The following RB1 variants were observed in gnomAD, a reference collection of about 807,000 sequenced individuals.
The protein encoded by RB1 is retinoblastoma-associated protein.
In RB1, 18 loss-of-function variants were observed where a neutral mutation model predicts 135.4. The observed-to-expected ratio is 0.13, with a 90% CI of 0.09 to 0.20. The LOEUF is 0.20. RB1 is among the 10% of genes least tolerant of loss of function. RB1 has a pLI of 1.00. For synonymous variants in RB1, 365 were observed against 373.2 expected (o/e 0.98, Z 0.25); for missense variants, 868 against 1,110.0 (o/e 0.78, Z 3.10).
chr13:48,381,484 A>G (rs1593457221), intron 17 of RB1, 41 bp downstream of exon 17: 1 of 1,579,346 alleles, frequency 6.3e-7, no homozygotes, highest in Non-Finnish European at 8.7e-7. Context: ...TCATGTGCAT[A>G]TGGCTAACAA....
At chr13:48,306,685 C>T (rs1455563587) in intron 1 of RB1, among the ~76,000 whole-genome samples, 2 of 152,162 alleles carry the variant, frequency 1.3e-5, no homozygotes, top group African/African-American at 4.8e-5. Context: ...ATAGTAAATA[C>T]TCAAAAATTA....
Position 48,347,811 on chromosome 13 carries a change from G to A in RB1, c.501-14G>A. 6.4e-7 allele frequency: 1 copy of A among 1,565,950 alleles called. No homozygotes were observed. The highest frequency in any genetic ancestry group is 1.1e-5 in the South Asian group (1 of 88,890). On this transcript the variant is annotated splice_polypyrimidine_tract_variant and intron_variant, in intron 4 of 26. Transcript: ENST00000267163. ...CGAAAAAATGTTAAAAAGTCATAAT[G>A]TTTTTCTTTTCAGGACATGTGAACT...
At chr13:48,365,846 T>C (rs1267503673) in intron 9 of RB1, among the ~76,000 whole-genome samples, 1 of 152,128 alleles carries the variant, frequency 6.6e-6, no homozygotes, top group African/African-American at 2.4e-5. Flanking sequence ...GACAAAGAAA[T>C]AGAGCATTAC....
chr13:48,448,884 G>A (rs771804031), intron 17 of RB1, among the ~76,000 whole-genome samples: 5 of 152,144 alleles, frequency 3.3e-5, no homozygotes, highest in South Asian at 2.1e-4. Context: ...AGAGCAAAAC[G>A]TTTCATTGCT....
intron 17 of RB1, among the ~76,000 whole-genome samples, chr13:48,443,762 C>T (rs1416693217): frequency 1.3e-5 from 2 of 152,086 alleles, no homozygotes; most frequent in African/African-American, 4.8e-5. Context: ...TCTTAGGCAC[C>T]TCCGTTGCTT....
At chr13:48,378,395 C>T (rs753147146) in intron 13 of RB1, among the ~76,000 whole-genome samples, 3 of 151,898 alleles carry the variant, frequency 2.0e-5, no homozygotes, top group African/African-American at 4.8e-5. Context: ...AAAACAAAGG[C>T]AAACACACAC....
chr13:48,383,135 A>T (rs1294646764), intron 17 of RB1, among the ~76,000 whole-genome samples: 1 of 152,140 alleles, frequency 6.6e-6, no homozygotes, highest in Non-Finnish European at 1.5e-5. Flanking sequence ...AAATTGTGAG[A>T]TTATGCTATT....
intron 17 of RB1, among the ~76,000 whole-genome samples, chr13:48,398,552 T>G (rs1163792642): frequency 1.3e-5 from 2 of 152,024 alleles, no homozygotes; most frequent in Non-Finnish European, 2.9e-5. Context: ...TTTATTATAT[T>G]ATTATTTTAA....
At chr13:48,477,515 A>G in intron 26 of RB1, 111 bp downstream of exon 26, 1 of 848,336 alleles carries the variant, frequency 1.2e-6, no homozygotes, top group East Asian at 2.7e-5. Flanking sequence ...AGGTTTGTTT[A>G]TGCATTTAAA....
Position 48,367,473 on chromosome 13 carries a change from C to A in RB1, c.940-21C>A, listed in dbSNP as rs559042622. ...GTAATGACATGTAAAGGATAATTGT[C>A]AGTGACTTTTTTCTTTCAAGGTTGA... On this transcript the variant is annotated intron_variant, in intron 9 of 26. Coordinates refer to ENST00000267163, the MANE Select transcript of RB1 (RefSeq NM_000321.3). 493 of 1,596,214 alleles carry A rather than the reference C, an allele frequency of 3.1e-4. 4 individuals carry two copies. The South Asian group carries it at 5.2e-3, about 17-fold the overall frequency.
At chr13:48,363,852 G>A (rs988532393) in intron 8 of RB1, among the ~76,000 whole-genome samples, 5 of 152,080 alleles carry the variant, frequency 3.3e-5, no homozygotes, top group South Asian at 2.1e-4. Context: ...TATTTACAGC[G>A]TCTACATTAG....
At chr13:48,380,114 T>A (rs2138142486) in intron 15 of RB1, 30 bp downstream of exon 15, 13 of 1,454,864 alleles carry the variant, frequency 8.9e-6, no homozygotes, top group Non-Finnish European at 1.2e-5. Flanking sequence ...TAAAAAATTT[T>A]TTTCTTTTTA....
chr13:48,477,287 GT>G, intron 25 of RB1, 67 bp from the exon 26 acceptor site: 1 of 1,145,574 alleles, frequency 8.7e-7, no homozygotes, highest in Admixed American at 1.8e-5. Context: ...AAGCATCATA[GT>G]TACTGGAAAT....
At chr13:48,305,448 A>G (rs74074198) in intron 1 of RB1, among the ~76,000 whole-genome samples, 29 of 152,352 alleles carry the variant, frequency 1.9e-4, no homozygotes, top group African/African-American at 7.0e-4. Flanking sequence ...ATTCTGATGT[A>G]TCCAATTCTT....
intron 2 of RB1, among the ~76,000 whole-genome samples, chr13:48,308,693 G>A (rs1195825587): frequency 2.6e-5 from 4 of 151,496 alleles, no homozygotes; most frequent in South Asian, 2.1e-4. Context: ...ACAAATCTAC[G>A]AATAACTCAT....
At chr13:48,456,141 G>A (rs1949358240) in intron 18 of RB1, 63 bp from the exon 19 acceptor site, 2 of 1,604,916 alleles carry the variant, frequency 1.2e-6, no homozygotes, top group Non-Finnish European at 1.7e-6. Flanking sequence ...ACCTTGAAGT[G>A]TATGTATAAT....
rs903912658 is a variant in RB1, at chr13:48,373,620, T to C, written c.1215+128T>C. On this transcript the variant is annotated intron_variant, in intron 12 of 26. Transcript: ENST00000267163. ...TAACATGTAGTTATCCATAATCTTT[T>C]CTTGCTTTTTTAATCTTACAAATTA... 4.9e-6 allele frequency: 3 copies of C among 609,738 alleles called. No homozygotes were observed. The African/African-American group carries it at 5.6e-5, about 11-fold the overall frequency. The allele number at this position is 609,738 out of a possible 1,614,324, so 37.8% of individuals were successfully genotyped here.
At chr13:48,347,916 A>G (rs1361076805) in intron 5 of RB1, 53 bp downstream of exon 5, 1 of 1,342,092 alleles carries the variant, frequency 7.5e-7, no homozygotes, top group African/African-American at 1.4e-5. Context: ...ATTTTTATGG[A>G]ATAATCTCAA....
chr13:48,304,811 C>A (rs1952066441), intron 1 of RB1, among the ~76,000 whole-genome samples: 1 of 151,834 alleles, frequency 6.6e-6, no homozygotes, highest in African/African-American at 2.4e-5. Context: ...TAGTCGGCTT[C>A]GGCTTGTCTC....
Sources: allele counts gnomAD v4.1 joint callset (sites outside exome capture counted in the v4.1 genomes callset), GRCh38; gene constraint gnomAD v4.1.1; transcripts MANE v1.5; gene names NCBI Gene and HGNC (gene_info 2026-07-23, HGNC 2026-07-21).